Variants in FHOD3 observed in about 807,000 individuals in gnomAD.
FHOD3 encodes the protein formin homology 2 domain containing 3.
FHOD3 carries 90 observed loss-of-function variants against 173.0 expected under a neutral mutation model. The observed-to-expected ratio is 0.52, with a 90% CI of 0.44 to 0.62. The LOEUF (loss-of-function observed/expected upper bound fraction) is 0.62. Among genes scored for constraint, FHOD3 ranks in the 20% least tolerant of loss-of-function variants. The pLI is 0.00. For synonymous variants in FHOD3, 828 were observed against 823.0 expected (o/e 1.01, Z -0.10); for missense variants, 1,945 against 2,034.7 (o/e 0.96, Z 0.85).
chr18:36,682,803 T>C (rs2038342771), intron 15 of FHOD3, among the ~76,000 whole-genome samples: 1 of 152,170 alleles, frequency 6.6e-6, no homozygotes, highest in Admixed American at 6.6e-5. Context: ...GCTGTTGAAC[T>C]CCTGACCTCA....
intron 5 of FHOD3, among the ~76,000 whole-genome samples, chr18:36,513,816 C>T (rs2055796475): frequency 1.3e-5 from 2 of 151,802 alleles, no homozygotes; most frequent in South Asian, 4.2e-4. Flanking sequence ...TTGTTTTGTT[C>T]ATTTTGATAA....
intron 3 of FHOD3, among the ~76,000 whole-genome samples, chr18:36,403,053 C>A (rs1050821567): frequency 7.9e-5 from 12 of 152,104 alleles, no homozygotes; most frequent in African/African-American, 2.4e-4. Context: ...TGGGAGGGGG[C>A]CATGAGGGTG....
rs372693025 is a variant in FHOD3 at position 36,455,302 on chromosome 18, A to C, written c.338-46630A>C. 2.1e-3 allele frequency among the ~76,000 whole-genome samples: 314 copies of C among 152,316 alleles called. 4 individuals are homozygous for C. The highest frequency in any genetic ancestry group is 6.9e-3 in the African/African-American group (286 of 41,560). Reference sequence around the variant, plus strand: ...CTTACCTCCAGCCTTATCAGCCTTGATCCTAGCAACAGTCTGTTGTCCTGG... The same window carrying C: ...CTTACCTCCAGCCTTATCAGCCTTGCTCCTAGCAACAGTCTGTTGTCCTGG... On this transcript the variant is annotated intron_variant, in intron 3 of 28. Transcript: ENST00000590592.
intron 23 of FHOD3, among the ~76,000 whole-genome samples, chr18:36,744,917 AG>A (rs2042076476): frequency 6.6e-6 from 1 of 152,174 alleles, no homozygotes; most frequent in Non-Finnish European, 1.5e-5. Context: ...GCTAGGGGAG[AG>A]GGCAGGGGTG....
At chr18:36,663,238 G>A (rs900095181) in intron 14 of FHOD3, among the ~76,000 whole-genome samples, 2 of 152,174 alleles carry the variant, frequency 1.3e-5, no homozygotes, top group Non-Finnish European at 2.9e-5. Flanking sequence ...TCCAACTTCA[G>A]CTTTTTCATA....
chr18:36,546,114 A>C (rs1361616310), intron 5 of FHOD3, among the ~76,000 whole-genome samples: 1 of 152,148 alleles, frequency 6.6e-6, no homozygotes, highest in Non-Finnish European at 1.5e-5. Flanking sequence ...CCCCTTTTTC[A>C]TAGGTGTATG....
At chr18:36,707,883 C>T (rs879523016) in intron 17 of FHOD3, among the ~76,000 whole-genome samples, 1 of 152,118 alleles carries the variant, frequency 6.6e-6, no homozygotes, top group Non-Finnish European at 1.5e-5. Context: ...AGGGTTCAAG[C>T]ACACACCCTT....
chr18:36,533,240 C>T (rs2056859755), intron 5 of FHOD3, among the ~76,000 whole-genome samples: 1 of 152,218 alleles, frequency 6.6e-6, no homozygotes, highest in African/African-American at 2.4e-5. Context: ...AAAGTATCCT[C>T]CTGATAGTTT....
At chr18:36,651,094 T>C (rs2036018391) in intron 11 of FHOD3, among the ~76,000 whole-genome samples, 2 of 152,180 alleles carry the variant, frequency 1.3e-5, no homozygotes, top group Non-Finnish European at 2.9e-5. Context: ...TCTGTTGGGT[T>C]GGTGTCTCTG....
chr18:36,405,862 C>T (rs188979585), intron 3 of FHOD3, among the ~76,000 whole-genome samples: 5 of 152,160 alleles, frequency 3.3e-5, no homozygotes, highest in Admixed American at 2.0e-4. Flanking sequence ...CCCCCTTTGT[C>T]GGTTAAATGA....
intron 1 of FHOD3, among the ~76,000 whole-genome samples, chr18:36,336,210 T>C (rs1009951374): frequency 6.4e-4 from 97 of 152,256 alleles, no homozygotes; most frequent in Admixed American, 2.5e-3. Context: ...GTATGAATTG[T>C]TTTCCAGAAA....
At chr18:36,551,099 G>T (rs967949438) in intron 5 of FHOD3, among the ~76,000 whole-genome samples, 3 of 152,054 alleles carry the variant, frequency 2.0e-5, no homozygotes, top group African/African-American at 7.2e-5. Flanking sequence ...TTTATTTCTT[G>T]TTTGCTGAGA....
intron 10 of FHOD3, among the ~76,000 whole-genome samples, chr18:36,634,185 T>C (rs954545775): frequency 6.6e-6 from 1 of 152,182 alleles, no homozygotes; most frequent in Non-Finnish European, 1.5e-5. Flanking sequence ...GCCTTGGGGC[T>C]GTGCCTTTGG....
At chr18:36,588,937 G>A (rs757308127) in intron 6 of FHOD3, among the ~76,000 whole-genome samples, 10 of 152,268 alleles carry the variant, frequency 6.6e-5, no homozygotes, top group East Asian at 1.9e-4. Context: ...CCTCCCTGTC[G>A]CAGAGCTGAC....
intron 28 of FHOD3, among the ~76,000 whole-genome samples, chr18:36,772,971 A>T (rs1164756695): frequency 6.6e-6 from 1 of 152,234 alleles, no homozygotes; most frequent in Non-Finnish European, 1.5e-5. Flanking sequence ...GGACAAGAGG[A>T]TAAACAGAAC....
intron 6 of FHOD3, among the ~76,000 whole-genome samples, chr18:36,586,737 C>T (rs1015848238): frequency 2.0e-5 from 3 of 152,156 alleles, no homozygotes; most frequent in Non-Finnish European, 2.9e-5. Flanking sequence ...ACCTCGGCCC[C>T]GCAAAGTGCT....
chr18:36,458,436 C>A (rs893626871), intron 3 of FHOD3, among the ~76,000 whole-genome samples: 2 of 152,110 alleles, frequency 1.3e-5, no homozygotes, highest in African/African-American at 2.4e-5. Context: ...ACTCACCTAC[C>A]CTTCCTCACC....
At chr18:36,326,179 G>A (rs1157426541) in intron 1 of FHOD3, among the ~76,000 whole-genome samples, 2 of 152,178 alleles carry the variant, frequency 1.3e-5, no homozygotes, top group African/African-American at 4.8e-5. Flanking sequence ...GAAAGTCAAG[G>A]AAAGAAATAA....
At position 36,502,012 on chromosome 18, in the gene FHOD3, A is replaced by G; in HGVS notation, c.405+13A>G. ...GCAGATATTTCAGGTAAATAGGAAA[A>G]AAATAAGTACTTACCTGTTTTTACA... On this transcript the variant is annotated intron_variant, in intron 4 of 28. Coordinates refer to ENST00000590592, the MANE Select transcript of FHOD3 (RefSeq NM_001281740.3). The G allele has an allele frequency of 6.3e-7, 1 of 1,576,416 alleles. No homozygotes were observed. The highest frequency in any genetic ancestry group is 8.7e-7 in the Non-Finnish European group (1 of 1,152,102).
Sources: gnomAD v4.1 joint callset for allele counts (sites outside exome capture counted in the v4.1 genomes callset) on GRCh38, gnomAD v4.1.1 for gene constraint, MANE v1.5 for transcripts, NCBI Gene and HGNC (gene_info 2026-07-23, HGNC 2026-07-21) for gene names.